Variants in UNC13C observed in about 807,000 individuals in gnomAD.
UNC13C encodes the protein unc-13 homolog C.
In UNC13C, 174 loss-of-function variants were observed where a neutral mutation model predicts 245.4. The ratio of observed to expected loss-of-function variants is 0.71; its 90% confidence interval spans 0.63 to 0.80. UNC13C has a LOEUF of 0.80. Among genes scored for constraint, UNC13C ranks in the 30% least tolerant of loss-of-function variants. The probability of loss-of-function intolerance (pLI) is 0.00; values close to 1 mark genes in which losing one functional copy is unlikely to be tolerated. For missense variants in UNC13C, 2,829 were observed against 2,602.9 expected, an observed-to-expected ratio of 1.09 and a Z score of -1.89; for synonymous variants, 992 against 895.1, an observed-to-expected ratio of 1.11 and a Z score of -1.93.
chr15:54,485,745 C>G (rs113281444), intron 19 of UNC13C, among the ~76,000 whole-genome samples: 23 of 152,326 alleles, frequency 1.5e-4, no homozygotes, highest in African/African-American at 5.3e-4. Flanking sequence ...TTCAGTCACA[C>G]TGGCCTCCTT....
At chr15:54,457,231 C>G (rs1891581198) in intron 19 of UNC13C, among the ~76,000 whole-genome samples, 1 of 152,106 alleles carries the variant, frequency 6.6e-6, no homozygotes, top group Admixed American at 6.5e-5. Context: ...ATGAAACCCT[C>G]TTAATTATGG....
chr15:53,912,221 A>G, the UNC13C span: 8,604 of 152,294 alleles, frequency 0.056, 851 homozygotes, highest in African/African-American at 0.2. Flanking sequence ...GGGCAAGACA[A>G]TGTTGTTCAA....
At chr15:54,500,649 A>G (rs1325200779) in intron 21 of UNC13C, among the ~76,000 whole-genome samples, 186 bp from the exon 22 acceptor site, 1 of 152,172 alleles carries the variant, frequency 6.6e-6, no homozygotes, top group Non-Finnish European at 1.5e-5. Context: ...AGCTTGCCCC[A>G]TGATATTAGT....
At chr15:53,901,054 A>G in the UNC13C span, among the ~76,000 whole-genome samples, 1 of 152,172 alleles carries the variant, frequency 6.6e-6, no homozygotes, top group Non-Finnish European at 1.5e-5. Context: ...CATATAAAGT[A>G]TAATAATAAT....
intron 15 of UNC13C, 46 bp downstream of exon 15, chr15:54,332,157 A>G (rs2038454263): frequency 1.5e-6 from 2 of 1,349,596 alleles, no homozygotes; most frequent in Non-Finnish European, 2.0e-6. Flanking sequence ...TGTTTGGTCT[A>G]GAGAATTTCT....
chr15:54,481,246 G>C (rs1466592397), intron 19 of UNC13C, among the ~76,000 whole-genome samples: 1 of 151,930 alleles, frequency 6.6e-6, no homozygotes, highest in Non-Finnish European at 1.5e-5. Flanking sequence ...GGTGGCGTCA[G>C]TATGCATAAC....
At chr15:54,341,975 CA>C (rs56264981) in intron 17 of UNC13C, among the ~76,000 whole-genome samples, 36,851 of 126,744 alleles carry the variant, frequency 0.29, 4,927 homozygotes, top group Admixed American at 0.37. Context: ...GACTCTGTCT[CA>C]AAAAAAAAAA....
chr15:53,897,910 G>A, the UNC13C span, among the ~76,000 whole-genome samples: 1 of 152,060 alleles, frequency 6.6e-6, no homozygotes, highest in Non-Finnish European at 1.5e-5. Flanking sequence ...AAAAATCCTG[G>A]GGGATTAATG....
At chr15:54,311,930 A>T (rs554835179) in intron 13 of UNC13C, among the ~76,000 whole-genome samples, 2 of 152,006 alleles carry the variant, frequency 1.3e-5, no homozygotes, top group East Asian at 3.9e-4. Flanking sequence ...AAAACATGTT[A>T]AATTATCTTA....
chr15:54,177,617 C>T (rs1415849169), intron 4 of UNC13C, among the ~76,000 whole-genome samples: 1 of 152,116 alleles, frequency 6.6e-6, no homozygotes, highest in Non-Finnish European at 1.5e-5. Flanking sequence ...TGTGTATTGT[C>T]TTCTGTGAGT....
At chr15:53,909,896 A>T in the UNC13C span, among the ~76,000 whole-genome samples, 2 of 146,580 alleles carry the variant, frequency 1.4e-5, no homozygotes, top group Non-Finnish European at 3.1e-5. Flanking sequence ...CTGAATGCAG[A>T]GGAAGCAGTG....
chr15:54,598,081 GAA>G (rs1449740846), intron 30 of UNC13C, among the ~76,000 whole-genome samples: 1 of 152,158 alleles, frequency 6.6e-6, no homozygotes, highest in Non-Finnish European at 1.5e-5. Flanking sequence ...TACAATGAGT[GAA>G]AGATTTTAAC....
intron 19 of UNC13C, among the ~76,000 whole-genome samples, chr15:54,434,011 AAT>A (rs577942072): frequency 6.6e-6 from 1 of 152,094 alleles, no homozygotes; most frequent in Non-Finnish European, 1.5e-5. Flanking sequence ...AATACCTAGG[AAT>A]ACAACATACA....
chr15:54,359,670 T>C (rs1391762851), intron 17 of UNC13C, among the ~76,000 whole-genome samples: 4 of 151,936 alleles, frequency 2.6e-5, no homozygotes. Flanking sequence ...ATTGAATCAT[T>C]TGTATTTCTG....
chr15:54,096,586 C>G (rs943964181), intron 2 of UNC13C, among the ~76,000 whole-genome samples: 1 of 152,092 alleles, frequency 6.6e-6, no homozygotes, highest in African/African-American at 2.4e-5. Flanking sequence ...TGCCAGAGTA[C>G]CCTTTAGAAA....
intron 30 of UNC13C, among the ~76,000 whole-genome samples, chr15:54,612,112 A>G (rs1213614088): frequency 6.6e-6 from 1 of 152,044 alleles, no homozygotes; most frequent in Non-Finnish European, 1.5e-5. Context: ...AAATTACTAA[A>G]CTCAAATATG....
At chr15:53,866,144 C>T in the UNC13C span, among the ~76,000 whole-genome samples, 1 of 152,124 alleles carries the variant, frequency 6.6e-6, no homozygotes, top group South Asian at 2.1e-4. Flanking sequence ...TCAGTACCTA[C>T]ACGTTATTTG....
intron 2 of UNC13C, chr15:54,044,476 T>A: frequency 3.6e-6 from 1 of 277,098 alleles, no homozygotes; most frequent in Non-Finnish European, 7.5e-6. Flanking sequence ...GTGGAACTCT[T>A]TGTTTAACTG....
intron 2 of UNC13C, among the ~76,000 whole-genome samples, chr15:54,035,201 G>C (rs1235325429): frequency 6.6e-6 from 1 of 151,964 alleles, no homozygotes; most frequent in African/African-American, 2.4e-5. Context: ...AATGTACCCA[G>C]AAAATGTATT....
Sources: allele counts gnomAD v4.1 joint callset (sites outside exome capture counted in the v4.1 genomes callset), GRCh38; gene constraint gnomAD v4.1.1; transcripts MANE v1.5; gene names NCBI Gene and HGNC (gene_info 2026-07-23, HGNC 2026-07-21).